GLUL: variants seen among roughly 807,000 people sequenced by gnomAD.
GLUL encodes the protein glutamate-ammonia ligase.
Under a neutral mutation model 36.9 loss-of-function variants are expected in GLUL, and 8 were observed. That is an observed-to-expected ratio of 0.22 (90% CI 0.13 to 0.39). The LOEUF (loss-of-function observed/expected upper bound fraction) is 0.39. Ranked by LOEUF, GLUL falls within the 10% of genes least tolerant of loss-of-function variation. GLUL has a pLI of 1.00. For missense variants in GLUL, 315 were observed against 501.8 expected (o/e 0.63, Z 3.56); for synonymous variants, 182 against 172.8 (o/e 1.05, Z -0.42).
At position 182,380,503 on chromosome 1, in the gene GLUL, C is replaced by CTA. The variant is rs1379524393; in HGVS notation, c.*3900_*3901dup. Among the ~76,000 whole-genome samples, 1 of 152,122 alleles carries CTA rather than the reference C, an allele frequency of 6.6e-6. No individual in the cohort carries two copies. Among genetic ancestry groups the CTA allele is most frequent in the Non-Finnish European group, 1.5e-5 (1 of 68,022 alleles). ...TGGAGTCTGGACCTCACTACATTGCCTAGAACGGTCTCAAACTCCTGGGCT... is the reference window on the plus strand; with the variant it reads ...TGGAGTCTGGACCTCACTACATTGCCTATAGAACGGTCTCAAACTCCTGGGCT... On this transcript the variant is annotated 3_prime_UTR_variant, in exon 7 of 7. Transcript: ENST00000331872.
At chr1:182,384,807 T>G (rs571138956) in intron 6 of GLUL, 84 bp from the exon 7 acceptor site, 1 of 963,874 alleles carries the variant, frequency 1.0e-6, no homozygotes, top group Non-Finnish European at 1.7e-6. Flanking sequence ...ATGATACCAG[T>G]AGAACAAATA....
rs2296521 is a variant in GLUL, at chr1:182,382,098, G to T, written c.*2307C>A. 6.6e-6 allele frequency: 1 copy of T among 152,006 alleles called. No homozygotes were observed. Among genetic ancestry groups the T allele is most frequent in the African/African-American group, 2.4e-5 (1 of 41,410 alleles). 9.4% of individuals were successfully genotyped at this position (152,006 alleles called of 1,614,324 possible). On this transcript the variant is annotated 3_prime_UTR_variant, in exon 7 of 7. Coordinates refer to ENST00000331872, the MANE Select transcript of GLUL (RefSeq NM_001033044.4). Reference sequence around the variant, plus strand: ...CACAGGCCCCAGCTACCTCGCACTGGTAAGAGTATACTGCCTTTTAAAAAC... The same window carrying T: ...CACAGGCCCCAGCTACCTCGCACTGTTAAGAGTATACTGCCTTTTAAAAAC...
intron 1 of GLUL, chr1:182,390,937 C>G: frequency 2.5e-6 from 1 of 398,290 alleles, no homozygotes; most frequent in East Asian, 3.6e-5. Context: ...GCGCCCTGCC[C>G]CTCGGGCCCC....
intron 2 of GLUL, among the ~76,000 whole-genome samples, chr1:182,387,666 A>T (rs1650241538): frequency 6.6e-6 from 1 of 152,144 alleles, no homozygotes; most frequent in African/African-American, 2.4e-5. Flanking sequence ...CATCCTTCTT[A>T]TGCCCCCAGT....
rs7734 is a variant in GLUL, at chr1:182,383,486, T to C, written c.*919A>G. The C allele has an allele frequency of 0.59, 89,667 of 151,948 alleles. 27,364 individuals carry two copies. Among genetic ancestry groups the C allele is most frequent in the East Asian group, 0.83 (4,302 of 5,158 alleles). 9.4% of individuals were successfully genotyped at this position (151,948 alleles called of 1,614,324 possible). The stretch of plus-strand genomic sequence containing the variant: ...GATCAAGTGACTGCTAGTAACGTGT[T>C]GTCTGTTAACTAATCCAGTGCCCAC... On this transcript the variant is annotated 3_prime_UTR_variant, in exon 7 of 7. Coordinates refer to ENST00000331872, the MANE Select transcript of GLUL (RefSeq NM_001033044.4).
In GLUL at chr1:182,380,668, C is replaced by T. The variant is rs1213891030; in HGVS notation, c.*3737G>A. Among the ~76,000 whole-genome samples, 11 of 152,130 alleles carry T rather than the reference C, an allele frequency of 7.2e-5. No homozygotes were observed. Among genetic ancestry groups the T allele is most frequent in the Admixed American group, 7.2e-4 (11 of 15,272 alleles). ...TGGCCAGAGTTAAAATACAGTCAAACAACAAAGACCTCATAGAGTTAAAGC... is the reference window on the plus strand; with the variant it reads ...TGGCCAGAGTTAAAATACAGTCAAATAACAAAGACCTCATAGAGTTAAAGC... On this transcript the variant is annotated 3_prime_UTR_variant, in exon 7 of 7. Transcript: ENST00000331872.
In GLUL at chr1:182,380,851, C is replaced by T. The variant is rs1649903236; in HGVS notation, c.*3554G>A. ...AATGATGAGACATCTTTCTTTGGGG[C>T]AGCAAGTTACTTTCACTTAGTGGTA... On this transcript the variant is annotated 3_prime_UTR_variant, in exon 7 of 7. Coordinates refer to ENST00000331872, the MANE Select transcript of GLUL (RefSeq NM_001033044.4). 6.6e-6 allele frequency among the ~76,000 whole-genome samples: 1 copy of T among 152,216 alleles called. No individual in the cohort carries two copies.
rs988984120 is a variant in GLUL, at chr1:182,391,032, C to A, written c.-14+647G>T. The A allele has an allele frequency of 3.8e-5, 15 of 397,252 alleles. No individual in the cohort carries two copies. The East Asian group carries it at 5.4e-4, about 14-fold the overall frequency. The allele number at this position is 397,252 out of a possible 1,614,324, so 24.6% of individuals were successfully genotyped here. On this transcript the variant is annotated intron_variant, in intron 1 of 6. Coordinates refer to ENST00000331872, the MANE Select transcript of GLUL (RefSeq NM_001033044.4). Reference sequence around the variant, plus strand: ...TCCGGGGGAGGGTGGGGGCGCAGGCCGTAGGGACTGCGCGCTGCTGCTGCC... The same window carrying A: ...TCCGGGGGAGGGTGGGGGCGCAGGCAGTAGGGACTGCGCGCTGCTGCTGCC...
intron 2 of GLUL, among the ~76,000 whole-genome samples, 171 bp from the exon 3 acceptor site, chr1:182,387,463 C>T (rs1202697036): frequency 2.0e-5 from 3 of 152,192 alleles, no homozygotes; most frequent in Non-Finnish European, 4.4e-5. Flanking sequence ...TGTACCTGAT[C>T]TTATAGCCCT....
intron 1 of GLUL, 60 bp from the exon 2 acceptor site, chr1:182,388,810 A>G: frequency 7.4e-7 from 1 of 1,349,572 alleles, no homozygotes. Context: ...CCCCTGCAAA[A>G]ATGGCTCAAG....
chr1:182,389,615 G>A (rs1186118063), intron 1 of GLUL: 3 of 152,218 alleles, frequency 2.0e-5, no homozygotes, highest in Admixed American at 1.3e-4. Flanking sequence ...TAAAAGCCAT[G>A]AGGCATACTA....
intron 3 of GLUL, 78 bp from the exon 4 acceptor site, chr1:182,386,480 G>T (rs574969886): frequency 9.3e-7 from 1 of 1,079,256 alleles, no homozygotes; most frequent in Admixed American, 1.7e-5. Context: ...TGGGAGAATA[G>T]TCCTTGGATT....
intron 3 of GLUL, 121 bp downstream of exon 3, chr1:182,387,010 A>G (rs1299135890): frequency 3.7e-6 from 3 of 813,360 alleles, no homozygotes; most frequent in African/African-American, 1.7e-5. Flanking sequence ...AATCACTCAG[A>G]TTCTTAAAAT....
rs986836326 is a variant in GLUL, at chr1:182,378,416, T to G, written c.*5989A>C. 3.9e-5 allele frequency among the ~76,000 whole-genome samples: 6 copies of G among 152,190 alleles called. No individual in the cohort carries two copies. Among genetic ancestry groups the G allele is most frequent in the African/African-American group, 1.4e-4 (6 of 41,460 alleles). ...AGGAGCTCCAAGCAGTGTATCATGC[T>G]CAAATATTTATTAATTGACAGTGTC... On this transcript the variant is annotated 3_prime_UTR_variant, in exon 7 of 7. Coordinates refer to ENST00000331872, the MANE Select transcript of GLUL (RefSeq NM_001033044.4).
Position 182,383,024 on chromosome 1 carries a change from T to C in GLUL, c.*1381A>G, listed in dbSNP as rs1571402192. ...TGTCATGGCAAAAGAAAACCACAGC[T>C]GGCCTGCCACAGCCAACACAAGAAC... On this transcript the variant is annotated 3_prime_UTR_variant, in exon 7 of 7. Coordinates refer to ENST00000331872, the MANE Select transcript of GLUL (RefSeq NM_001033044.4). 1 of 152,088 alleles carries C rather than the reference T, an allele frequency of 6.6e-6. No individual in the cohort carries two copies. The highest frequency in any genetic ancestry group is 2.4e-5 in the African/African-American group (1 of 41,406). 9.4% of individuals were successfully genotyped at this position (152,088 alleles called of 1,614,324 possible).
intron 2 of GLUL, 29 bp downstream of exon 2, chr1:182,388,543 A>T: frequency 6.2e-7 from 1 of 1,605,602 alleles, no homozygotes; most frequent in South Asian, 1.1e-5. Context: ...CCCACCCAGC[A>T]TGTGCTCCAC....
In GLUL at chr1:182,383,159, A is replaced by C. The variant is rs181238669; in HGVS notation, c.*1246T>G. On this transcript the variant is annotated 3_prime_UTR_variant, in exon 7 of 7. Transcript: ENST00000331872. ...AACAAAGACATCAAGATACAAAATT[A>C]CAAGTGTTTTGACTCCAGCCCTGTC... The C allele has an allele frequency of 1.3e-5, 2 of 152,240 alleles. No homozygotes were observed. Among genetic ancestry groups the C allele is most frequent in the Admixed American group, 1.3e-4 (2 of 15,280 alleles). 9.4% of individuals were successfully genotyped at this position (152,240 alleles called of 1,614,324 possible).
Position 182,387,263 on chromosome 1 carries a change from T to C in GLUL, c.196A>G (p.Ser66Gly), listed in dbSNP as rs1252068769. 1.2e-6 allele frequency: 2 copies of C among 1,613,424 alleles called. No individual in the cohort carries two copies. Among genetic ancestry groups the C allele is most frequent in the Non-Finnish European group, 1.7e-6 (2 of 1,179,372 alleles). ...ELPEWNFDGS[S>G]TLQSEGSNSD... Reference sequence around the variant, plus strand: ...TTGGAACCCTCAGACTGTAAAGTACTAGAGCCATCGAAATTCCACTCAGGC... The same window carrying C: ...TTGGAACCCTCAGACTGTAAAGTACCAGAGCCATCGAAATTCCACTCAGGC... The change falls in exon 3 of 7, where the codon AGT becomes GGT. Residue 66 changes from serine to glycine, a missense_variant. By Grantham distance (56) the Ser-to-Gly change is moderately conservative. Coordinates refer to ENST00000331872, the MANE Select transcript of GLUL (RefSeq NM_001033044.4).
At position 182,378,980 on chromosome 1, in the gene GLUL, C is replaced by T. The variant is rs1433288036; in HGVS notation, c.*5425G>A. 6.6e-6 allele frequency among the ~76,000 whole-genome samples: 1 copy of T among 152,028 alleles called. No individual in the cohort carries two copies. Among genetic ancestry groups the T allele is most frequent in the African/African-American group, 2.4e-5 (1 of 41,370 alleles). ...TATTTTTAGTAGAGATGGGGTTTCA[C>T]CATGGTGGCCAGGCTGGTCTCAAAC... On this transcript the variant is annotated 3_prime_UTR_variant, in exon 7 of 7. Coordinates refer to ENST00000331872, the MANE Select transcript of GLUL (RefSeq NM_001033044.4).
Sources: allele counts gnomAD v4.1 joint callset (sites outside exome capture counted in the v4.1 genomes callset), GRCh38; gene constraint gnomAD v4.1.1; transcripts MANE v1.5; gene names NCBI Gene and HGNC (gene_info 2026-07-23, HGNC 2026-07-21).